ANK2: variants seen among roughly 807,000 people sequenced by gnomAD.
ANK2 encodes ankyrin-2.
A neutral mutation model predicts 360.5 loss-of-function variants in ANK2; 83 were observed. The observed-to-expected ratio is 0.23, with a 90% CI of 0.19 to 0.28. The LOEUF is 0.28. Among genes scored for constraint, ANK2 ranks in the 10% least tolerant of loss-of-function variants. ANK2 has a pLI of 1.00. For synonymous variants in ANK2, 1,740 were observed against 1,759.5 expected, an observed-to-expected ratio of 0.99 and a Z score of 0.28; for missense variants, 4,201 against 4,795.7, an observed-to-expected ratio of 0.88 and a Z score of 3.66.
intron 27 of ANK2, 89 bp from the exon 28 acceptor site, chr4:113,331,883 G>C (rs1588396352): frequency 1.7e-6 from 2 of 1,205,580 alleles, no homozygotes; most frequent in East Asian, 2.3e-5. Flanking sequence ...TCACCCTGTG[G>C]ATCAGCTGGC....
chr4:113,018,201 T>C (rs1436830931), intron 2 of ANK2, among the ~76,000 whole-genome samples: 1 of 152,226 alleles, frequency 6.6e-6, no homozygotes, highest in Non-Finnish European at 1.5e-5. Flanking sequence ...AAATTAATGA[T>C]ATAAAACACA....
chr4:113,372,890 T>G (rs1220686427), intron 43 of ANK2, among the ~76,000 whole-genome samples, 200 bp from the exon 44 acceptor site: 1 of 152,240 alleles, frequency 6.6e-6, no homozygotes, highest in African/African-American at 2.4e-5. Flanking sequence ...TGTTGAAGTT[T>G]TATCTAACTT....
chr4:112,924,076 A>G (rs2092112259), intron 2 of ANK2, among the ~76,000 whole-genome samples: 3 of 152,334 alleles, frequency 2.0e-5, no homozygotes, highest in Middle Eastern at 3.4e-3. Context: ...AACATCTCTA[A>G]AAGATGTGAG....
chr4:113,348,673 A>G (rs2095157166), intron 36 of ANK2, among the ~76,000 whole-genome samples: 1 of 152,086 alleles, frequency 6.6e-6, no homozygotes, highest in Non-Finnish European at 1.5e-5. Flanking sequence ...TTAGTACATT[A>G]AAAATGTACT....
intron 23 of ANK2, among the ~76,000 whole-genome samples, chr4:113,303,155 G>A (rs2075757660): frequency 6.6e-6 from 1 of 152,050 alleles, no homozygotes; most frequent in Non-Finnish European, 1.5e-5. Context: ...TAACACAATT[G>A]TTATTAAAAT....
Position 113,356,889 on chromosome 4 carries a change from G to A in ANK2, c.8271G>A (p.Arg2757=). 1.2e-6 allele frequency: 2 copies of A among 1,614,002 alleles called. No homozygotes were observed. Among genetic ancestry groups the A allele is most frequent in the Non-Finnish European group, 1.7e-6 (2 of 1,179,982 alleles). ...CTGTTTCCACTGAGGCTGAAGACAG[G>A]TCTTATGATAAGCTAAACAGAGACA... ...RHAVSTEAED[R]SYDKLNRDTD... The change falls in exon 38 of 46, where the codon AGG becomes AGA. Residue 2757 remains arginine, a synonymous_variant. Coordinates refer to ENST00000357077, the MANE Select transcript of ANK2 (RefSeq NM_001148.6).
Position 113,372,679 on chromosome 4 carries a change from A to G in ANK2, c.11611-411A>G. 2.4e-6 allele frequency: 3 copies of G among 1,264,094 alleles called. No individual in the cohort carries two copies. In the South Asian group the frequency reaches 3.8e-5, roughly 16 times the overall value. The allele number at this position is 1,264,094 out of a possible 1,614,324, so 78.3% of individuals were successfully genotyped here. A position where few individuals can be genotyped will look rare whatever the true frequency, so the allele number is the denominator to read the frequency against. On this transcript the variant is annotated intron_variant, in intron 43 of 45. Transcript: ENST00000357077. The stretch of plus-strand genomic sequence containing the variant: ...GGGACAGTCCTGTCCCCATATTCTA[A>G]GAGTGATCAACCTGGATCAATGAAG...
At chr4:112,977,256 C>T (rs1161143001) in intron 2 of ANK2, among the ~76,000 whole-genome samples, 1 of 152,102 alleles carries the variant, frequency 6.6e-6, no homozygotes, top group Non-Finnish European at 1.5e-5. Flanking sequence ...AATTACTTTT[C>T]AGTTATTTAT....
the ANK2 span, among the ~76,000 whole-genome samples, chr4:112,780,697 A>G: frequency 6.6e-6 from 1 of 152,080 alleles, no homozygotes; most frequent in Non-Finnish European, 1.5e-5. Context: ...ACTTACAATC[A>G]TGGCGGAAGG....
intron 2 of ANK2, among the ~76,000 whole-genome samples, chr4:112,910,521 T>A (rs2086768713): frequency 6.6e-6 from 1 of 152,136 alleles, no homozygotes; most frequent in Non-Finnish European, 1.5e-5. Flanking sequence ...AAACCTAATA[T>A]CTGTAAAGGG....
At chr4:112,741,375 T>A in the ANK2 span, among the ~76,000 whole-genome samples, 1 of 152,170 alleles carries the variant, frequency 6.6e-6, no homozygotes, top group African/African-American at 2.4e-5. Flanking sequence ...GTTGGCCCTC[T>A]TCAGAGAGCT....
intron 9 of ANK2, among the ~76,000 whole-genome samples, chr4:113,242,724 A>G (rs1021006754): frequency 7.2e-5 from 11 of 152,268 alleles, no homozygotes; most frequent in African/African-American, 2.6e-4. Context: ...CTATACCTTT[A>G]TGTCATTTTG....
At chr4:112,918,180 T>C (rs950501341) in intron 2 of ANK2, among the ~76,000 whole-genome samples, 1 of 152,162 alleles carries the variant, frequency 6.6e-6, no homozygotes, top group Non-Finnish European at 1.5e-5. Context: ...ATCTGATTGA[T>C]TAGGGGCAGC....
At chr4:113,345,153 T>A (rs1338392314) in intron 34 of ANK2, among the ~76,000 whole-genome samples, 2 of 152,182 alleles carry the variant, frequency 1.3e-5, no homozygotes, top group African/African-American at 4.8e-5. Context: ...GCAATATGAA[T>A]GAACTTGGAA....
rs1371663354 is a variant in ANK2 at position 113,343,003 on chromosome 4, CT to C, written c.4123-13del. On this transcript the variant is annotated splice_polypyrimidine_tract_variant and intron_variant, in intron 33 of 45. Coordinates refer to ENST00000357077, the MANE Select transcript of ANK2 (RefSeq NM_001148.6). ...GCAGCTACTTTATTGTTATTTCTCTCTGTTTTCACTCAGGTGTTAGAAGGAA... is the reference window on the plus strand; with the variant it reads ...GCAGCTACTTTATTGTTATTTCTCTCGTTTTCACTCAGGTGTTAGAAGGAA... 13 of 1,613,654 alleles carry C rather than the reference CT, an allele frequency of 8.1e-6. No individual in the cohort carries two copies. Among genetic ancestry groups the C allele is most frequent in the Non-Finnish European group, 1.1e-5 (13 of 1,179,890 alleles).
Position 112,958,605 on chromosome 4 carries a change from C to T in ANK2, c.21+54091C>T, listed in dbSNP as rs187710445. Among the ~76,000 whole-genome samples, 76 of 150,806 alleles carry T rather than the reference C, an allele frequency of 5.0e-4. 2 individuals are homozygous for T. The East Asian group carries it at 0.013, about 27-fold the overall frequency. The stretch of plus-strand genomic sequence containing the variant: ...CTTGGAAAGAGAGGGAGAGGGAGAC[C>T]GTGGGGAGAGGGAGAGGGGGGAGAG... On this transcript the variant is annotated intron_variant, in intron 2 of 30. Transcript: ENST00000503271.
chr4:112,733,814 G>A, the ANK2 span, among the ~76,000 whole-genome samples: 3 of 152,128 alleles, frequency 2.0e-5, no homozygotes, highest in Non-Finnish European at 4.4e-5. Context: ...TCACCTTGTC[G>A]CCCAGCCTGG....
intron 23 of ANK2, among the ~76,000 whole-genome samples, chr4:113,305,498 A>G (rs533250669): frequency 6.6e-6 from 1 of 152,354 alleles, no homozygotes; most frequent in East Asian, 1.9e-4. Flanking sequence ...AATGACCAAG[A>G]TTATCTTTTG....
At chr4:113,299,471 G>A (rs1053449460) in intron 22 of ANK2, among the ~76,000 whole-genome samples, 9 of 152,082 alleles carry the variant, frequency 5.9e-5, no homozygotes, top group Admixed American at 2.0e-4. Flanking sequence ...TTGGGAGGCC[G>A]AGGTAGGTGG....
Sources: allele counts gnomAD v4.1 joint callset (sites outside exome capture counted in the v4.1 genomes callset), GRCh38; gene constraint gnomAD v4.1.1; transcripts MANE v1.5; gene names NCBI Gene and HGNC (gene_info 2026-07-23, HGNC 2026-07-21).